Variants in RBFOX1 observed in about 807,000 individuals in gnomAD.
RBFOX1 encodes the protein RNA binding protein fox-1 homolog 1.
A neutral mutation model predicts 57.7 loss-of-function variants in RBFOX1; 8 were observed. The observed-to-expected ratio is 0.14, with a 90% CI of 0.08 to 0.25. The LOEUF is 0.25. Among genes scored for constraint, RBFOX1 ranks in the 10% least tolerant of loss-of-function variants. The probability of loss-of-function intolerance (pLI) is 1.00; values close to 1 mark genes in which losing one functional copy is unlikely to be tolerated. For synonymous variants in RBFOX1, 326 were observed against 222.4 expected (o/e 1.47, Z -4.15); for missense variants, 611 against 548.5 (o/e 1.11, Z -1.14).
chr16:7,007,704 A>G (rs1288951935), intron 3 of RBFOX1, among the ~76,000 whole-genome samples: 2 of 152,014 alleles, frequency 1.3e-5, no homozygotes, highest in African/African-American at 4.8e-5. Flanking sequence ...TTTGCTGCTA[A>G]TTTCTTGACT....
intron 3 of RBFOX1, among the ~76,000 whole-genome samples, chr16:5,728,674 T>G (rs2052245603): frequency 6.6e-6 from 1 of 152,298 alleles, no homozygotes; most frequent in Non-Finnish European, 1.5e-5. Context: ...TCTGAGAATA[T>G]CCTTCTTTGT....
intron 3 of RBFOX1, among the ~76,000 whole-genome samples, chr16:7,018,463 A>C (rs915516678): frequency 1.3e-5 from 2 of 152,176 alleles, no homozygotes; most frequent in African/African-American, 4.8e-5. Flanking sequence ...TACAACGTCT[A>C]ATCCAGTCTA....
chr16:6,910,618 A>C (rs2153431328), intron 3 of RBFOX1, among the ~76,000 whole-genome samples: 1 of 152,260 alleles, frequency 6.6e-6, no homozygotes, highest in East Asian at 1.9e-4. Flanking sequence ...TTTATGGGAG[A>C]AGGCAGTTTC....
At chr16:6,061,792 C>T (rs970458951) in intron 1 of RBFOX1, among the ~76,000 whole-genome samples, 3 of 152,130 alleles carry the variant, frequency 2.0e-5, no homozygotes, top group African/African-American at 7.2e-5. Context: ...GGGTTTTCCC[C>T]ATCAACAACC....
chr16:6,368,884 G>A (rs1489174322), intron 2 of RBFOX1, among the ~76,000 whole-genome samples: 1 of 152,152 alleles, frequency 6.6e-6, no homozygotes, highest in African/African-American at 2.4e-5. Flanking sequence ...AAGATGGATT[G>A]TGGTAAAGTA....
At chr16:6,931,581 C>T (rs771668639) in intron 3 of RBFOX1, among the ~76,000 whole-genome samples, 8 of 152,114 alleles carry the variant, frequency 5.3e-5, no homozygotes, top group Non-Finnish European at 8.8e-5. Context: ...TGCCACCCTA[C>T]AATGGACAAC....
chr16:6,357,276 G>T (rs1448392304), intron 2 of RBFOX1, among the ~76,000 whole-genome samples: 1 of 152,216 alleles, frequency 6.6e-6, no homozygotes, highest in South Asian at 2.1e-4. Context: ...AAGAAAAATG[G>T]TGCATGTGGG....
At chr16:7,056,898 T>C (rs1176919640) in intron 4 of RBFOX1, among the ~76,000 whole-genome samples, 1 of 152,134 alleles carries the variant, frequency 6.6e-6, no homozygotes, top group Non-Finnish European at 1.5e-5. Flanking sequence ...GAAGCACTGG[T>C]ATGGACTTAG....
intron 2 of RBFOX1, among the ~76,000 whole-genome samples, chr16:6,384,060 CTTTTTTTT>C (rs5815305): frequency 7.9e-6 from 1 of 126,640 alleles, no homozygotes; most frequent in Admixed American, 8.0e-5. Flanking sequence ...ATTGGTTTTG[CTTTTTTTT>C]TTTTTTTTTT....
At chr16:5,815,092 A>T (rs537021554) in intron 3 of RBFOX1, among the ~76,000 whole-genome samples, 1 of 149,236 alleles carries the variant, frequency 6.7e-6, no homozygotes. Flanking sequence ...CAACAATCCT[A>T]CCTCAGCCTC....
At chr16:6,345,443 G>T (rs1283741417) in intron 2 of RBFOX1, among the ~76,000 whole-genome samples, 1 of 152,158 alleles carries the variant, frequency 6.6e-6, no homozygotes, top group African/African-American at 2.4e-5. Context: ...CCATGGCAGT[G>T]GTAAACCGAC....
chr16:6,623,971 C>G (rs2098270370), intron 2 of RBFOX1, among the ~76,000 whole-genome samples: 1 of 152,142 alleles, frequency 6.6e-6, no homozygotes, highest in Admixed American at 6.5e-5. Context: ...AGTGGGATTG[C>G]TGGGTCAAAT....
intron 2 of RBFOX1, among the ~76,000 whole-genome samples, chr16:5,569,500 G>C (rs1231230630): frequency 8.8e-6 from 1 of 113,846 alleles, no homozygotes; most frequent in Non-Finnish European, 1.7e-5. Context: ...CTATGTTCTG[G>C]CCACTGTGCT....
At chr16:5,696,693 A>G (rs1324824603) in intron 3 of RBFOX1, among the ~76,000 whole-genome samples, 1 of 152,214 alleles carries the variant, frequency 6.6e-6, no homozygotes, top group East Asian at 1.9e-4. Context: ...ATTGCATGGA[A>G]TTCAAATACT....
chr16:5,357,361 C>T (rs1283753974), intron 1 of RBFOX1, among the ~76,000 whole-genome samples: 4 of 152,206 alleles, frequency 2.6e-5, no homozygotes, highest in South Asian at 4.1e-4. Context: ...AAAAGAACCA[C>T]CTCTTGCTCT....
At chr16:6,042,405 C>G (rs1312746723) in intron 1 of RBFOX1, among the ~76,000 whole-genome samples, 4 of 152,114 alleles carry the variant, frequency 2.6e-5, no homozygotes, top group African/African-American at 9.7e-5. Context: ...GGCCCTTTCT[C>G]TTCCATTTCT....
At position 6,605,823 on chromosome 16, in the gene RBFOX1, G is replaced by T. The variant is rs919490824; in HGVS notation, c.-63-48780G>T. 2.0e-4 allele frequency among the ~76,000 whole-genome samples: 30 copies of T among 152,288 alleles called. 1 individual carries two copies. The highest frequency in any genetic ancestry group is 7.2e-4 in the African/African-American group (30 of 41,560). ...ATACTTGAAATATGCATCCTGGCAG[G>T]CCACAGTGGCTCACTCCTGTAATCC... is the stretch of plus-strand genomic sequence containing the variant. On this transcript the variant is annotated intron_variant, in intron 2 of 15. Coordinates refer to ENST00000550418, the MANE Select transcript of RBFOX1 (RefSeq NM_018723.4).
intron 4 of RBFOX1, among the ~76,000 whole-genome samples, chr16:5,995,790 C>T (rs988477769): frequency 1.6e-4 from 24 of 152,242 alleles, no homozygotes; most frequent in Middle Eastern, 3.4e-3. Flanking sequence ...GGAGCTTGGG[C>T]ATTCTCACCA....
At chr16:7,379,952 T>A (rs2097759163) in intron 4 of RBFOX1, among the ~76,000 whole-genome samples, 1 of 152,176 alleles carries the variant, frequency 6.6e-6, no homozygotes, top group Non-Finnish European at 1.5e-5. Flanking sequence ...CCTCCTGGGT[T>A]CAAGCACAAT....
Sources: gnomAD v4.1 joint callset for allele counts (sites outside exome capture counted in the v4.1 genomes callset) on GRCh38, gnomAD v4.1.1 for gene constraint, MANE v1.5 for transcripts, NCBI Gene and HGNC (gene_info 2026-07-23, HGNC 2026-07-21) for gene names.